CHST11: variants seen among roughly 807,000 people sequenced by gnomAD.
CHST11 encodes the protein carbohydrate sulfotransferase 11, also known as C4S-1.
CHST11 carries 9 observed loss-of-function variants against 30.4 expected under a neutral mutation model. That is an observed-to-expected ratio of 0.30 (90% CI 0.18 to 0.52). The LOEUF (loss-of-function observed/expected upper bound fraction) is 0.52. Among genes scored for constraint, CHST11 ranks in the 20% least tolerant of loss-of-function variants. The probability of loss-of-function intolerance (pLI) is 0.97; values close to 1 mark genes in which losing one functional copy is unlikely to be tolerated. For missense variants in CHST11, 348 were observed against 460.6 expected (o/e 0.76, Z 2.24); for synonymous variants, 152 against 187.8 (o/e 0.81, Z 1.56).
At chr12:104,537,181 A>C (rs2038244879) in intron 1 of CHST11, among the ~76,000 whole-genome samples, 1 of 152,196 alleles carries the variant, frequency 6.6e-6, no homozygotes. Flanking sequence ...GAAAGTGAAG[A>C]GCTCAAATAA....
intron 2 of CHST11, among the ~76,000 whole-genome samples, chr12:104,721,100 G>C (rs1166779901): frequency 6.6e-6 from 1 of 152,202 alleles, no homozygotes; most frequent in Non-Finnish European, 1.5e-5. Context: ...CCACCCTGTG[G>C]TGCTGAAACC....
chr12:104,755,855 C>A (rs899483161), intron 2 of CHST11, among the ~76,000 whole-genome samples: 1 of 152,048 alleles, frequency 6.6e-6, no homozygotes, highest in Non-Finnish European at 1.5e-5. Flanking sequence ...CCAGATGGGC[C>A]CAGCCTAAGG....
intron 1 of CHST11, among the ~76,000 whole-genome samples, chr12:104,488,354 T>G (rs1417702297): frequency 6.6e-6 from 1 of 151,964 alleles, no homozygotes; most frequent in Non-Finnish European, 1.5e-5. Context: ...TGTATGCATG[T>G]GTGTGCGTAT....
Position 104,457,312 on chromosome 12 carries a change from C to T in CHST11, c.-100C>T. 1 of 769,992 alleles carries T rather than the reference C, an allele frequency of 1.3e-6. No homozygotes were observed. The highest frequency in any genetic ancestry group is 2.2e-6 in the Non-Finnish European group (1 of 456,266). 47.7% of individuals were successfully genotyped at this position (769,992 alleles called of 1,614,324 possible). ...TCCCTCTGAGCCTTGCTCAGCTCTG[C>T]CCCGCGCCTCCCGGGCTCCGGTCCG... On this transcript the variant is annotated 5_prime_UTR_variant, in exon 1 of 3. Coordinates refer to ENST00000303694, the MANE Select transcript of CHST11 (RefSeq NM_018413.6).
intron 1 of CHST11, among the ~76,000 whole-genome samples, chr12:104,584,596 G>T (rs1765658684): frequency 6.6e-6 from 1 of 152,114 alleles, no homozygotes; most frequent in Admixed American, 6.5e-5. Context: ...ATGTGTATGT[G>T]TGTTTACACA....
intron 2 of CHST11, among the ~76,000 whole-genome samples, chr12:104,673,612 G>A (rs1015129807): frequency 1.3e-5 from 2 of 152,178 alleles, no homozygotes; most frequent in African/African-American, 4.8e-5. Context: ...CATTCTTATG[G>A]TGATTATCAT....
chr12:104,484,798 G>C (rs141587336), intron 1 of CHST11, among the ~76,000 whole-genome samples: 1 of 152,332 alleles, frequency 6.6e-6, no homozygotes, highest in Non-Finnish European at 1.5e-5. Flanking sequence ...AATGAATGTT[G>C]GCAGGTGGGA....
intron 2 of CHST11, among the ~76,000 whole-genome samples, chr12:104,684,126 T>A (rs1164517931): frequency 3.3e-5 from 5 of 152,250 alleles, no homozygotes; most frequent in African/African-American, 4.8e-5. Context: ...ATGGTGGCAT[T>A]ATTTATGAGA....
At chr12:104,679,646 C>T (rs2039776012) in intron 2 of CHST11, among the ~76,000 whole-genome samples, 1 of 152,138 alleles carries the variant, frequency 6.6e-6, no homozygotes, top group African/African-American at 2.4e-5. Context: ...CATACTGGGG[C>T]CGCCGAGCCC....
chr12:104,478,807 A>G (rs925687040), intron 1 of CHST11, among the ~76,000 whole-genome samples: 2 of 152,230 alleles, frequency 1.3e-5, no homozygotes, highest in South Asian at 2.1e-4. Context: ...AGTGGCAGGC[A>G]ATTTCAAGAG....
intron 1 of CHST11, among the ~76,000 whole-genome samples, chr12:104,568,174 C>T (rs1034732375): frequency 6.6e-6 from 1 of 152,138 alleles, no homozygotes; most frequent in African/African-American, 2.4e-5. Context: ...CTGTTTAGGG[C>T]CGGGGTCTTC....
intron 2 of CHST11, among the ~76,000 whole-genome samples, chr12:104,698,318 C>T (rs2039964240): frequency 1.3e-5 from 2 of 152,302 alleles, no homozygotes; most frequent in South Asian, 4.1e-4. Context: ...CACTTGATGA[C>T]AATGTTCTTG....
intron 1 of CHST11, among the ~76,000 whole-genome samples, chr12:104,517,583 A>C (rs2135985748): frequency 6.6e-6 from 1 of 152,278 alleles, no homozygotes; most frequent in East Asian, 1.9e-4. Flanking sequence ...CTGCATTTGT[A>C]ACCAGCTCCC....
intron 2 of CHST11, among the ~76,000 whole-genome samples, chr12:104,654,985 A>T (rs2039529447): frequency 6.6e-6 from 1 of 152,238 alleles, no homozygotes; most frequent in Non-Finnish European, 1.5e-5. Context: ...CTTAAGGAAC[A>T]CACATGTAGC....
intron 2 of CHST11, among the ~76,000 whole-genome samples, chr12:104,670,826 CAT>C (rs1408257511): frequency 3.3e-5 from 5 of 151,524 alleles, no homozygotes; most frequent in African/African-American, 1.2e-4. Context: ...CCCACACATA[CAT>C]TCTCACACAC....
chr12:104,503,453 G>A (rs1263513933), intron 1 of CHST11, among the ~76,000 whole-genome samples: 2 of 152,210 alleles, frequency 1.3e-5, no homozygotes, highest in African/African-American at 4.8e-5. Flanking sequence ...CCTGCACGTT[G>A]GGGCTGGCAT....
intron 1 of CHST11, among the ~76,000 whole-genome samples, chr12:104,478,931 G>T (rs1422447054): frequency 6.6e-6 from 1 of 152,016 alleles, no homozygotes; most frequent in Non-Finnish European, 1.5e-5. Flanking sequence ...TCATTCTAGG[G>T]GGTTATTGAA....
chr12:104,507,755 CA>C (rs1215532788), intron 1 of CHST11, among the ~76,000 whole-genome samples: 1 of 152,142 alleles, frequency 6.6e-6, no homozygotes, highest in African/African-American at 2.4e-5. Flanking sequence ...TGGTGTAGCC[CA>C]GGCAAATTCT....
At chr12:104,568,000 G>A (rs1340580286) in intron 1 of CHST11, among the ~76,000 whole-genome samples, 2 of 152,158 alleles carry the variant, frequency 1.3e-5, no homozygotes, top group East Asian at 3.9e-4. Flanking sequence ...CCTTAGTCTA[G>A]GATATTTTGT....
Sources: gnomAD v4.1 joint callset for allele counts (sites outside exome capture counted in the v4.1 genomes callset) on GRCh38, gnomAD v4.1.1 for gene constraint, MANE v1.5 for transcripts, NCBI Gene and HGNC (gene_info 2026-07-23, HGNC 2026-07-21) for gene names.